Variants in MAN1C1 observed in about 807,000 individuals in gnomAD.
The protein encoded by MAN1C1 is mannosidase alpha class 1C member 1.
Under a neutral mutation model 71.5 loss-of-function variants are expected in MAN1C1, and 49 were observed. The ratio of observed to expected loss-of-function variants is 0.69; its 90% CI spans 0.54 to 0.87. MAN1C1 has a LOEUF of 0.87. MAN1C1 is among the 40% of genes least tolerant of loss of function. The probability of loss-of-function intolerance (pLI) is 0.00; values close to 1 mark genes in which losing one functional copy is unlikely to be tolerated. For synonymous variants in MAN1C1, 352 were observed against 343.7 expected, an observed-to-expected ratio of 1.02 and a Z score of -0.27; for missense variants, 743 against 835.0, an observed-to-expected ratio of 0.89 and a Z score of 1.36.
In MAN1C1 at chr1:25,782,674, G is replaced by A. The variant is rs745949343; in HGVS notation, c.1740G>A (p.Gln580=). ...SSTPNHDNKQ[Q]SFFLAETLKY... is the part of the protein sequence containing the mutation. ...CCCCCAACCACGACAACAAGCAGCA[G>A]AGCTTCTTTCTAGCGGAGACACTAA... Residue 580 remains glutamine, a synonymous_variant, in exon 11 of 12, where the codon CAG becomes CAA. Coordinates refer to ENST00000374332, the MANE Select transcript of MAN1C1 (RefSeq NM_020379.4). The surrounding 1 kb of genome is among the most constrained non-coding windows in gnomAD (Gnocchi z 4.4). The A allele has an allele frequency of 6.2e-7, 1 of 1,614,076 alleles. No individual in the cohort carries two copies. The highest frequency in any genetic ancestry group is 1.3e-5 in the African/African-American group (1 of 75,018).
At chr1:25,673,989 C>T (rs1006694741) in intron 1 of MAN1C1, among the ~76,000 whole-genome samples, 8 of 152,212 alleles carry the variant, frequency 5.3e-5, no homozygotes, top group Admixed American at 5.2e-4. Flanking sequence ...CCCACTGTCA[C>T]TCATCTTTGT....
At position 25,764,041 on chromosome 1, in the gene MAN1C1, C is replaced by A; in HGVS notation, c.1141+74C>A. The A allele has an allele frequency of 7.9e-7, 1 of 1,269,572 alleles. No individual in the cohort carries two copies. Among genetic ancestry groups the A allele is most frequent in the Non-Finnish European group, 1.1e-6 (1 of 872,124 alleles). The allele number at this position is 1,269,572 out of a possible 1,614,324, so 78.6% of individuals were successfully genotyped here. On this transcript the variant is annotated intron_variant, in intron 7 of 11. Transcript: ENST00000374332. This position sits in a 1 kb window ranked among gnomAD's most constrained non-coding sequence, Gnocchi z 4.4. Reference sequence around the variant, plus strand: ...GCTTCCTAGGAAGACCCTGCCAGGCCCCTGGGCTGAGTGAGGATGTGTCTG... The same window carrying A: ...GCTTCCTAGGAAGACCCTGCCAGGCACCTGGGCTGAGTGAGGATGTGTCTG...
rs1454659901 is a variant in MAN1C1, at chr1:25,782,414, C to T, written c.1651-171C>T. Among the ~76,000 whole-genome samples, 2 of 152,068 alleles carry T rather than the reference C, an allele frequency of 1.3e-5. No homozygotes were observed. The highest frequency in any genetic ancestry group is 1.5e-5 in the Non-Finnish European group (1 of 68,010). ...AGCCTGGGGACAGGTGGCTAAACCC[C>T]GAAAGAATAATTTGACCTTCTGTTC... On this transcript the variant is annotated intron_variant, in intron 10 of 11. Transcript: ENST00000374332. This position sits in a 1 kb window ranked among gnomAD's most constrained non-coding sequence, Gnocchi z 4.4.
intron 1 of MAN1C1, among the ~76,000 whole-genome samples, chr1:25,667,830 C>G (rs2045944967): frequency 6.6e-6 from 1 of 152,130 alleles, no homozygotes; most frequent in Non-Finnish European, 1.5e-5. Flanking sequence ...AGAAGTGCCA[C>G]CACACATCAC....
At chr1:25,743,179 G>C (rs753918350) in intron 2 of MAN1C1, among the ~76,000 whole-genome samples, 15 of 152,144 alleles carry the variant, frequency 9.9e-5, no homozygotes, top group African/African-American at 3.6e-4. Flanking sequence ...GGCTCATAGC[G>C]GCATTTGAAC....
intron 2 of MAN1C1, among the ~76,000 whole-genome samples, chr1:25,698,674 G>T (rs1031117095): frequency 5.3e-5 from 8 of 152,130 alleles, no homozygotes; most frequent in African/African-American, 1.9e-4. Context: ...TACTGGGGCC[G>T]GGTGCAGTGG....
chr1:25,716,319 G>A (rs938945420), intron 2 of MAN1C1, among the ~76,000 whole-genome samples: 50 of 152,146 alleles, frequency 3.3e-4, no homozygotes, highest in African/African-American at 1.0e-3. Context: ...TCTTTCTTCT[G>A]TGTGTCTCTC....
chr1:25,620,914 C>G (rs182697311), intron 1 of MAN1C1, among the ~76,000 whole-genome samples: 1 of 152,324 alleles, frequency 6.6e-6, no homozygotes, highest in East Asian at 1.9e-4. Flanking sequence ...TCAGGAAACA[C>G]TCTGTCACTA....
At chr1:25,692,730 G>C (rs938326682) in intron 2 of MAN1C1, among the ~76,000 whole-genome samples, 2 of 152,166 alleles carry the variant, frequency 1.3e-5, no homozygotes, top group Admixed American at 6.5e-5. Flanking sequence ...AACACAGTGG[G>C]GTAGGGGAAT....
intron 3 of MAN1C1, among the ~76,000 whole-genome samples, chr1:25,748,353 G>C (rs2047165934): frequency 1.3e-5 from 2 of 152,192 alleles, no homozygotes; most frequent in Admixed American, 6.5e-5. Flanking sequence ...GCTCCCCCAG[G>C]TTAACAGATG....
At chr1:25,768,059 TCA>T (rs145494997) in intron 7 of MAN1C1, among the ~76,000 whole-genome samples, 140 of 12,820 alleles carry the variant, frequency 0.011, 19 homozygotes, top group East Asian at 0.026. Context: ...CACACTCCCC[TCA>T]CACACACACA....
At chr1:25,675,486 T>C (rs1572140421) in intron 1 of MAN1C1, among the ~76,000 whole-genome samples, 1 of 151,128 alleles carries the variant, frequency 6.6e-6, no homozygotes, top group East Asian at 2.0e-4. Context: ...CACTCATTGG[T>C]CGATGGGCAC....
At chr1:25,687,094 A>T (rs1572149998) in intron 2 of MAN1C1, among the ~76,000 whole-genome samples, 1 of 152,190 alleles carries the variant, frequency 6.6e-6, no homozygotes, top group East Asian at 1.9e-4. Flanking sequence ...TGGGCAGCAT[A>T]TTGAGACCCC....
At chr1:25,706,734 C>T (rs2124234698) in intron 2 of MAN1C1, among the ~76,000 whole-genome samples, 1 of 152,336 alleles carries the variant, frequency 6.6e-6, no homozygotes, top group South Asian at 2.1e-4. Flanking sequence ...ACCTGTTTTG[C>T]ACAGACTACT....
At chr1:25,768,232 CTCCCCTCACACACAT>C (rs2047478900) in intron 7 of MAN1C1, among the ~76,000 whole-genome samples, 1 of 126,294 alleles carries the variant, frequency 7.9e-6, no homozygotes, top group Non-Finnish European at 1.7e-5. Flanking sequence ...ATTACACACA[CTCCCCTCACACACAT>C]CCACACTCCC....
rs375666547 is a variant in MAN1C1 at position 25,771,679 on chromosome 1, C to T, written c.1164C>T (p.Leu388=). 24 of 1,613,832 alleles carry T rather than the reference C, an allele frequency of 1.5e-5. No individual in the cohort carries two copies. The highest frequency in any genetic ancestry group is 3.3e-5 in the South Asian group (3 of 91,078). Residue 388 remains leucine (L), a synonymous_variant, in exon 8 of 12, where the codon CTC becomes CTT. Coordinates refer to ENST00000374332, the MANE Select transcript of MAN1C1 (RefSeq NM_020379.4). ...CAGACCATGTCTCAGTTGGAGGACTCGGGGACAGTTTTTATGAATATTTGA... is the reference window on the plus strand; with the variant it reads ...CAGACCATGTCTCAGTTGGAGGACTTGGGGACAGTTTTTATGAATATTTGA... ...WVQHHVSVGG[L]GDSFYEYLIK... is the part of the protein sequence containing the mutation.
rs2046816306 is a variant in MAN1C1 at position 25,725,210 on chromosome 1, A to T, written c.638-21458A>T. Among the ~76,000 whole-genome samples the T allele has an allele frequency of 2.0e-5, 3 of 152,246 alleles. No homozygotes were observed. On this transcript the variant is annotated intron_variant, in intron 2 of 11. Transcript: ENST00000374332. The surrounding 1 kb of genome is among the most constrained non-coding windows in gnomAD (Gnocchi z 4.8). ...TGTGACTGGAGAGGGAAGGCCCAGC[A>T]GGAGGTGGGAAAATAGGTATCTTGG...
At chr1:25,674,498 A>G (rs1436866851) in intron 1 of MAN1C1, among the ~76,000 whole-genome samples, 1 of 152,200 alleles carries the variant, frequency 6.6e-6, no homozygotes, top group Non-Finnish European at 1.5e-5. Context: ...AACTAATGTA[A>G]AATTTTGACT....
intron 7 of MAN1C1, among the ~76,000 whole-genome samples, chr1:25,770,309 T>C (rs1443679564): frequency 6.6e-6 from 1 of 152,234 alleles, no homozygotes; most frequent in Non-Finnish European, 1.5e-5. Flanking sequence ...GAACACTTGC[T>C]GGGCCAGGAC....
Sources: gnomAD v4.1 joint callset for allele counts (sites outside exome capture counted in the v4.1 genomes callset) on GRCh38, gnomAD v4.1.1 for gene constraint, Gnocchi (gnomAD v3.1) non-coding constraint, MANE v1.5 for transcripts, NCBI Gene and HGNC (gene_info 2026-07-23, HGNC 2026-07-21) for gene names.